Variants in C8orf34 observed in about 807,000 individuals in gnomAD.
The protein encoded by C8orf34 is chromosome 8 open reading frame 34, also known as uncharacterized protein C8orf34.
In C8orf34, 65 loss-of-function variants were observed where a neutral mutation model predicts 68.3. The observed-to-expected ratio is 0.95, with a 90% confidence interval of 0.78 to 1.17. The LOEUF (loss-of-function observed/expected upper bound fraction) is 1.17, where lower values mean the gene tolerates loss of function less well. Among genes scored for constraint, C8orf34 ranks in the 50% most tolerant of loss-of-function variants. C8orf34 has a pLI of 0.00. For synonymous variants in C8orf34, 244 were observed against 241.2 expected (o/e 1.01, Z -0.11); for missense variants, 664 against 655.4 (o/e 1.01, Z -0.14).
At chr8:68,608,929 G>A (rs6980767) in intron 7 of C8orf34, among the ~76,000 whole-genome samples, 44,877 of 151,976 alleles carry the variant, frequency 0.3, 8,451 homozygotes, top group African/African-American at 0.55. Flanking sequence ...GCATTTTGGG[G>A]GGCCAAGGGA....
At chr8:68,724,105 C>T (rs1349522892) in intron 10 of C8orf34, among the ~76,000 whole-genome samples, 1 of 151,950 alleles carries the variant, frequency 6.6e-6, no homozygotes, top group Non-Finnish European at 1.5e-5. Flanking sequence ...ATGGTAGCTG[C>T]TTTTATTATG....
chr8:68,476,348 C>G (rs890174635), intron 4 of C8orf34, among the ~76,000 whole-genome samples: 9 of 152,004 alleles, frequency 5.9e-5, no homozygotes, highest in African/African-American at 2.2e-4. Context: ...AAAAGTTATC[C>G]AAATCAAATT....
intron 10 of C8orf34, among the ~76,000 whole-genome samples, chr8:68,768,318 A>C (rs767468463): frequency 3.3e-5 from 5 of 152,190 alleles, no homozygotes; most frequent in Non-Finnish European, 7.4e-5. Context: ...TGTTTTGAAA[A>C]TAGCTGATTT....
At chr8:68,747,150 T>C (rs1285432853) in intron 10 of C8orf34, among the ~76,000 whole-genome samples, 3 of 152,034 alleles carry the variant, frequency 2.0e-5, no homozygotes, top group Non-Finnish European at 4.4e-5. Context: ...ATTATCTCAA[T>C]AGATGCAGAA....
intron 1 of C8orf34, among the ~76,000 whole-genome samples, chr8:68,402,585 G>T (rs72664929): frequency 0.032 from 4,812 of 151,968 alleles, 260 homozygotes; most frequent in African/African-American, 0.11. Context: ...TGTATTGCAC[G>T]GCTTTTGTTA....
In C8orf34 at chr8:68,786,478, G is replaced by C. The variant is rs9643400; in HGVS notation, c.1456-965G>C. On this transcript the variant is annotated intron_variant, in intron 11 of 13. Coordinates refer to ENST00000518698, the MANE Select transcript of C8orf34 (RefSeq NM_052958.4). ...AAGATGAAAGTATAATTATTACATG[G>C]TATGATTCTATTGGTATAATAGGCA... 1.8e-4 allele frequency among the ~76,000 whole-genome samples: 28 copies of C among 152,256 alleles called. No homozygotes were observed. The East Asian group carries it at 5.0e-3, about 27-fold the overall frequency.
At chr8:68,667,273 A>T (rs1819870900) in intron 8 of C8orf34, among the ~76,000 whole-genome samples, 1 of 152,144 alleles carries the variant, frequency 6.6e-6, no homozygotes, top group Admixed American at 6.6e-5. Context: ...TCATGGAGAT[A>T]TTTTTTACCT....
At chr8:68,660,122 A>C (rs899576910) in intron 8 of C8orf34, among the ~76,000 whole-genome samples, 1 of 152,168 alleles carries the variant, frequency 6.6e-6, no homozygotes, top group Non-Finnish European at 1.5e-5. Context: ...ACAGGGACAC[A>C]GTTACCCATC....
intron 1 of C8orf34, among the ~76,000 whole-genome samples, chr8:68,432,723 T>C (rs2129624966): frequency 6.6e-6 from 1 of 152,252 alleles, no homozygotes; most frequent in South Asian, 2.1e-4. Context: ...TAGGGGACAG[T>C]CTGAGATCTC....
chr8:68,786,003 A>G (rs906009664), intron 11 of C8orf34, among the ~76,000 whole-genome samples: 1 of 152,184 alleles, frequency 6.6e-6, no homozygotes, highest in Non-Finnish European at 1.5e-5. Flanking sequence ...TGGTGGTGTC[A>G]TGTTTCTTAA....
intron 5 of C8orf34, among the ~76,000 whole-genome samples, chr8:68,501,424 A>C (rs953772762): frequency 6.6e-6 from 1 of 152,126 alleles, no homozygotes; most frequent in Admixed American, 6.5e-5. Flanking sequence ...GCACCAGCAA[A>C]GTATGGGATG....
At chr8:68,610,974 C>T (rs1818005720) in intron 7 of C8orf34, among the ~76,000 whole-genome samples, 1 of 150,066 alleles carries the variant, frequency 6.7e-6, no homozygotes, top group East Asian at 2.0e-4. Context: ...AAGCTATTCT[C>T]CTGCCTCAGC....
At chr8:68,402,341 T>A (rs1440032128) in intron 1 of C8orf34, among the ~76,000 whole-genome samples, 1 of 152,144 alleles carries the variant, frequency 6.6e-6, no homozygotes, top group African/African-American at 2.4e-5. Context: ...ATTTTGTTTA[T>A]CTTTTCGAGG....
chr8:68,549,684 GATA>G (rs1483759573), intron 7 of C8orf34, among the ~76,000 whole-genome samples: 4 of 151,710 alleles, frequency 2.6e-5, no homozygotes, highest in Non-Finnish European at 4.4e-5. Context: ...GAAGTGAAAT[GATA>G]ATGATGATAT....
chr8:68,705,552 GTTT>G, intron 8 of C8orf34, among the ~76,000 whole-genome samples: 1 of 152,148 alleles, frequency 6.6e-6, no homozygotes, highest in East Asian at 1.9e-4. Context: ...AGCATAAGCT[GTTT>G]TCTCAGTGGT....
intron 12 of C8orf34, among the ~76,000 whole-genome samples, chr8:68,813,174 A>G (rs914985334): frequency 6.6e-6 from 1 of 152,080 alleles, no homozygotes; most frequent in African/African-American, 2.4e-5. Context: ...CCACTCTCTT[A>G]TTTGTTTTCC....
In C8orf34 at chr8:68,523,554, A is replaced by C. The variant is rs146085549; in HGVS notation, c.938+1583A>C. Among the ~76,000 whole-genome samples the C allele has an allele frequency of 2.2e-3, 328 of 152,282 alleles. 1 individual carries two copies. Among genetic ancestry groups the C allele is most frequent in the African/African-American group, 7.5e-3 (310 of 41,560 alleles). ...TTTAAATTATAAATTGAGGTATTAC[A>C]CTGTGACAAGAAAGAGCTGGTGAAA... is the stretch of plus-strand genomic sequence containing the variant. On this transcript the variant is annotated intron_variant, in intron 6 of 13. Transcript: ENST00000518698.
intron 1 of C8orf34, among the ~76,000 whole-genome samples, chr8:68,430,344 C>G (rs1810404122): frequency 6.6e-6 from 1 of 152,036 alleles, no homozygotes; most frequent in Admixed American, 6.6e-5. Flanking sequence ...TCTGGATGTT[C>G]ACTTGTATCC....
intron 3 of C8orf34, among the ~76,000 whole-genome samples, chr8:68,463,806 C>G (rs1452781563): frequency 1.3e-5 from 2 of 152,104 alleles, no homozygotes; most frequent in African/African-American, 4.8e-5. Flanking sequence ...ATAATAAGAG[C>G]TATTTATGAC....
Sources: allele counts gnomAD v4.1 joint callset (sites outside exome capture counted in the v4.1 genomes callset), GRCh38; gene constraint gnomAD v4.1.1; transcripts MANE v1.5; gene names NCBI Gene and HGNC (gene_info 2026-07-23, HGNC 2026-07-21).